The following BRINP2 variants were observed in gnomAD, a reference collection of about 807,000 sequenced individuals.
BRINP2 encodes the protein BMP/retinoic acid inducible neural specific 2, also known as BMP/retinoic acid-inducible neural-specific protein 2.
Under a neutral mutation model 69.2 loss-of-function variants are expected in BRINP2, and 21 were observed. The ratio of observed to expected loss-of-function variants is 0.30; its 90% CI spans 0.22 to 0.44. The LOEUF (loss-of-function observed/expected upper bound fraction) is 0.44, where lower values mean the gene tolerates loss of function less well. Ranked by LOEUF, BRINP2 falls within the 20% of genes least tolerant of loss-of-function variation. The pLI, the probability that BRINP2 is intolerant of heterozygous loss-of-function variation, is 1.00. For synonymous variants in BRINP2, 380 were observed against 394.1 expected (o/e 0.96, Z 0.42); for missense variants, 877 against 986.0 (o/e 0.89, Z 1.48).
At position 177,238,475 on chromosome 1, in the gene BRINP2, G is replaced by A. The variant is rs569084314; in HGVS notation, c.269+8330G>A. Among the ~76,000 whole-genome samples the A allele has an allele frequency of 5.3e-5, 8 of 152,344 alleles. No homozygotes were observed. The South Asian group carries it at 1.4e-3, about 28-fold the overall frequency. On this transcript the variant is annotated intron_variant, in intron 2 of 7. Transcript: ENST00000361539. Reference sequence around the variant, plus strand: ...GAAGCCATCACTGGATTGTGGGGATGGGACAAGCCAGAAACCTCAGAGGGA... The same window carrying A: ...GAAGCCATCACTGGATTGTGGGGATAGGACAAGCCAGAAACCTCAGAGGGA...
chr1:177,183,982 G>A (rs12048084), intron 1 of BRINP2, among the ~76,000 whole-genome samples: 24,677 of 152,148 alleles, frequency 0.16, 4,133 homozygotes, highest in African/African-American at 0.42. Context: ...TTTTTAAAGA[G>A]AGAGATAAGT....
chr1:177,247,946 A>C (rs1650435445), intron 2 of BRINP2, among the ~76,000 whole-genome samples: 1 of 152,164 alleles, frequency 6.6e-6, no homozygotes, highest in Non-Finnish European at 1.5e-5. Flanking sequence ...CCAAGCCTGC[A>C]GGGGTGCCAC....
intron 1 of BRINP2, among the ~76,000 whole-genome samples, chr1:177,175,518 C>G (rs1227779929): frequency 5.3e-5 from 8 of 152,218 alleles, no homozygotes; most frequent in Non-Finnish European, 1.2e-4. Flanking sequence ...ACTGGTAACA[C>G]AACAACCCTA....
At chr1:177,193,680 T>C (rs1648656116) in intron 1 of BRINP2, among the ~76,000 whole-genome samples, 1 of 152,154 alleles carries the variant, frequency 6.6e-6, no homozygotes, top group Admixed American at 6.6e-5. Flanking sequence ...GTTCCTCAGG[T>C]AGAATTTAAC....
At chr1:177,202,058 A>AT (rs1344656192) in intron 1 of BRINP2, among the ~76,000 whole-genome samples, 1 of 151,720 alleles carries the variant, frequency 6.6e-6, no homozygotes, top group Non-Finnish European at 1.5e-5. Context: ...CCCCTTTGTC[A>AT]TTTTTTTATT....
chr1:177,256,652 G>A (rs1465252948), intron 3 of BRINP2: 95 of 1,033,150 alleles, frequency 9.2e-5, no homozygotes, highest in Non-Finnish European at 1.1e-4. Flanking sequence ...AAGATGCAGA[G>A]CTCCCTCTGC....
chr1:177,215,305 T>A (rs2102313789), intron 1 of BRINP2, among the ~76,000 whole-genome samples: 1 of 152,356 alleles, frequency 6.6e-6, no homozygotes, highest in East Asian at 1.9e-4. Context: ...ATTGGGATTC[T>A]GATAGAAATT....
chr1:177,248,472 CGT>C (rs144093275), intron 2 of BRINP2, among the ~76,000 whole-genome samples: 1,360 of 117,400 alleles, frequency 0.012, 24 homozygotes, highest in Middle Eastern at 0.066. Flanking sequence ...TGTGTGTGTG[CGT>C]GTGTGTGTGT....
At chr1:177,185,296 G>A (rs919441313) in intron 1 of BRINP2, among the ~76,000 whole-genome samples, 2 of 152,114 alleles carry the variant, frequency 1.3e-5, no homozygotes, top group Non-Finnish European at 2.9e-5. Context: ...TCTTTGTTTA[G>A]CCAAGTATTT....
At chr1:177,263,260 A>G (rs1419591841) in intron 4 of BRINP2, among the ~76,000 whole-genome samples, 1 of 152,208 alleles carries the variant, frequency 6.6e-6, no homozygotes, top group Non-Finnish European at 1.5e-5. Context: ...AAGGAATACT[A>G]TGCCCTGGAA....
chr1:177,263,163 G>A (rs940608792), intron 4 of BRINP2, among the ~76,000 whole-genome samples: 1 of 152,180 alleles, frequency 6.6e-6, no homozygotes, highest in African/African-American at 2.4e-5. Context: ...AGGTATAAAG[G>A]TTAAAAGTCT....
chr1:177,214,469 TA>T (rs1649319839), intron 1 of BRINP2, among the ~76,000 whole-genome samples: 1 of 152,018 alleles, frequency 6.6e-6, no homozygotes, highest in Non-Finnish European at 1.5e-5. Context: ...AACAAACAAA[TA>T]AATAAAATTG....
chr1:177,230,110 C>T lies in BRINP2; in HGVS notation c.234C>T (p.Tyr78=), dbSNP rs1649822257. 1.2e-6 allele frequency: 2 copies of T among 1,612,474 alleles called. No individual in the cohort carries two copies. The highest frequency in any genetic ancestry group is 2.2e-5 in the South Asian group (2 of 90,886). The stretch of plus-strand genomic sequence containing the variant: ...AGTATGCTGACTTCATGGAGCGGTA[C>T]CGCCAGGGTTTCACCACCAGGTACA... ...AQEYADFMER[Y]RQGFTTRYRI... The change falls in exon 2 of 8, where the codon TAC becomes TAT. Residue 78 remains tyrosine (Y), a synonymous_variant. Coordinates refer to ENST00000361539, the MANE Select transcript of BRINP2 (RefSeq NM_021165.4).
In BRINP2 at chr1:177,273,754, C is replaced by T. The variant is rs138573013; in HGVS notation, c.775+161C>T. ...CTGGAACCTGTATTTAACAACTTTC[C>T]ATCATGTTTTAAGAAACCTTCTGGT... On this transcript the variant is annotated intron_variant, in intron 5 of 7. Transcript: ENST00000361539. Among the ~76,000 whole-genome samples, 852 of 152,254 alleles carry T rather than the reference C, an allele frequency of 5.6e-3. 9 individuals carry two copies. Among genetic ancestry groups the T allele is most frequent in the African/African-American group, 0.017 (724 of 41,544 alleles).
intron 2 of BRINP2, among the ~76,000 whole-genome samples, chr1:177,232,999 T>G (rs575937951): frequency 2.6e-5 from 4 of 152,314 alleles, no homozygotes; most frequent in South Asian, 2.1e-4. Context: ...GCAGAATCAC[T>G]TGAAGATTTC....
rs114104459 is a variant in BRINP2, at chr1:177,242,909, T to C, written c.269+12764T>C. Among the ~76,000 whole-genome samples, 83 of 152,324 alleles carry C rather than the reference T, an allele frequency of 5.4e-4. 1 individual carries two copies. The highest frequency in any genetic ancestry group is 1.9e-3 in the African/African-American group (81 of 41,570). The stretch of plus-strand genomic sequence containing the variant: ...TGACTGGGTTAAATTGCAGTTTAAA[T>C]TGCAGAATCAGACTGACTGGGTTAA... On this transcript the variant is annotated intron_variant, in intron 2 of 7. Coordinates refer to ENST00000361539, the MANE Select transcript of BRINP2 (RefSeq NM_021165.4).
chr1:177,259,496 G>A (rs1016675353), intron 4 of BRINP2, among the ~76,000 whole-genome samples: 4 of 152,194 alleles, frequency 2.6e-5, no homozygotes, highest in East Asian at 1.9e-4. Context: ...CAGATTTTCA[G>A]TGTAGATGAC....
intron 1 of BRINP2, among the ~76,000 whole-genome samples, chr1:177,213,259 C>T (rs555113804): frequency 3.4e-4 from 52 of 152,214 alleles, no homozygotes; most frequent in Middle Eastern, 6.8e-3. Context: ...CATTTGGGGT[C>T]ACGGAATTAT....
chr1:177,175,816 T>C (rs1648072623), intron 1 of BRINP2, among the ~76,000 whole-genome samples: 1 of 152,240 alleles, frequency 6.6e-6, no homozygotes, highest in Non-Finnish European at 1.5e-5. Flanking sequence ...CTGTCTTAAA[T>C]GACTGTGCAG....
Sources: gnomAD v4.1 joint callset for allele counts (sites outside exome capture counted in the v4.1 genomes callset) on GRCh38, gnomAD v4.1.1 for gene constraint, MANE v1.5 for transcripts, NCBI Gene and HGNC (gene_info 2026-07-23, HGNC 2026-07-21) for gene names.